The following RBFOX1 variants were observed in gnomAD, a reference collection of about 807,000 sequenced individuals.
RBFOX1 encodes the protein RNA binding fox-1 homolog 1, also known as RNA binding protein fox-1 homolog 1.
Under a neutral mutation model 57.7 loss-of-function variants are expected in RBFOX1, and 8 were observed. The ratio of observed to expected loss-of-function variants is 0.14; its 90% confidence interval spans 0.08 to 0.25. The LOEUF is 0.25. RBFOX1 is among the 10% of genes least tolerant of loss of function. The probability of loss-of-function intolerance (pLI) is 1.00; values close to 1 mark genes in which losing one functional copy is unlikely to be tolerated. For missense variants in RBFOX1, 611 were observed against 548.5 expected, an observed-to-expected ratio of 1.11 and a Z score of -1.14; for synonymous variants, 326 against 222.4, an observed-to-expected ratio of 1.47 and a Z score of -4.15.
At chr16:7,603,489 T>G (rs531311664) in intron 9 of RBFOX1, among the ~76,000 whole-genome samples, 1 of 152,056 alleles carries the variant, frequency 6.6e-6, no homozygotes, top group South Asian at 2.1e-4. Flanking sequence ...AAAATAAAAC[T>G]GGGAATGGAA....
intron 13 of RBFOX1, among the ~76,000 whole-genome samples, chr16:7,676,528 G>T (rs1357168126): frequency 6.6e-6 from 1 of 151,992 alleles, no homozygotes; most frequent in Non-Finnish European, 1.5e-5. Flanking sequence ...TTCTTCCAAG[G>T]GCCTCTAGGC....
In RBFOX1 at chr16:7,535,349, A is replaced by T. The variant is rs559059541; in HGVS notation, c.270+16960A>T. Among the ~76,000 whole-genome samples, 5 of 152,318 alleles carry T rather than the reference A, an allele frequency of 3.3e-5. No homozygotes were observed. The East Asian group carries it at 7.7e-4, about 24-fold the overall frequency. On this transcript the variant is annotated intron_variant, in intron 5 of 15. Coordinates refer to ENST00000550418, the MANE Select transcript of RBFOX1 (RefSeq NM_018723.4). ...ACTTAGGGTTTCATGGATGTGAGCAATTGGTCCACACCATTTTTATTCACA... is the reference window on the plus strand; with the variant it reads ...ACTTAGGGTTTCATGGATGTGAGCATTTGGTCCACACCATTTTTATTCACA...
intron 4 of RBFOX1, among the ~76,000 whole-genome samples, chr16:7,387,070 G>C (rs1211985575): frequency 6.6e-6 from 1 of 151,998 alleles, no homozygotes; most frequent in Non-Finnish European, 1.5e-5. Flanking sequence ...CTTTTTGATG[G>C]GGTTGTTTTT....
chr16:7,208,763 G>C (rs2152768383), intron 4 of RBFOX1, among the ~76,000 whole-genome samples: 1 of 152,218 alleles, frequency 6.6e-6, no homozygotes, highest in East Asian at 1.9e-4. Flanking sequence ...TTTGAGTCCA[G>C]GTATTTGAGG....
chr16:7,169,185 G>A (rs1466916614), intron 4 of RBFOX1, among the ~76,000 whole-genome samples: 2 of 152,158 alleles, frequency 1.3e-5, no homozygotes, highest in East Asian at 1.9e-4. Flanking sequence ...CATGGCCATA[G>A]TTTCCTCATA....
At chr16:7,475,219 A>G (rs1196416684) in intron 4 of RBFOX1, among the ~76,000 whole-genome samples, 2 of 152,096 alleles carry the variant, frequency 1.3e-5, no homozygotes, top group Non-Finnish European at 2.9e-5. Context: ...ATTGAAGAAC[A>G]AAAGGGAGGA....
Position 7,220,837 on chromosome 16 carries a change from C to G in RBFOX1, c.27+168739C>G, listed in dbSNP as rs13337203. 4.7e-3 allele frequency among the ~76,000 whole-genome samples: 708 copies of G among 152,210 alleles called. 7 individuals are homozygous for G. The highest frequency in any genetic ancestry group is 0.016 in the African/African-American group (666 of 41,532). ...TATTTCCATGGGATTCTCTTGATCT[C>G]TATCCACCCTTAACATCCCATCCTA... On this transcript the variant is annotated intron_variant, in intron 4 of 15. Coordinates refer to ENST00000550418, the MANE Select transcript of RBFOX1 (RefSeq NM_018723.4).
At chr16:5,856,066 C>T (rs1271120483) in intron 3 of RBFOX1, among the ~76,000 whole-genome samples, 5 of 129,106 alleles carry the variant, frequency 3.9e-5, no homozygotes, top group African/African-American at 1.4e-4. Context: ...AGAAATGTAA[C>T]TGATTTTTGT....
chr16:6,802,517 A>C, intron 3 of RBFOX1, among the ~76,000 whole-genome samples: 1 of 152,088 alleles, frequency 6.6e-6, no homozygotes, highest in East Asian at 1.9e-4. Context: ...TCTCTACTTA[A>C]AATACAAAAG....
chr16:7,557,613 C>T (rs2088994325), intron 5 of RBFOX1, among the ~76,000 whole-genome samples: 1 of 81,558 alleles, frequency 1.2e-5, no homozygotes, highest in African/African-American at 5.5e-5. Flanking sequence ...AAGTTAGACT[C>T]TGTCTCAAAA....
chr16:6,830,906 A>G (rs1287726215), intron 3 of RBFOX1, among the ~76,000 whole-genome samples: 1 of 152,200 alleles, frequency 6.6e-6, no homozygotes, highest in African/African-American at 2.4e-5. Context: ...CATTTCAGCA[A>G]CCAGGTAGAA....
At chr16:7,248,232 C>T (rs572019818) in intron 4 of RBFOX1, among the ~76,000 whole-genome samples, 6 of 152,166 alleles carry the variant, frequency 3.9e-5, no homozygotes, top group Non-Finnish European at 8.8e-5. Context: ...AAAGGGTCTA[C>T]AAACCATTAA....
intron 2 of RBFOX1, among the ~76,000 whole-genome samples, chr16:6,395,114 CG>C (rs2092770514): frequency 1.3e-5 from 2 of 152,126 alleles, no homozygotes; most frequent in Admixed American, 1.3e-4. Context: ...TCACTGTCAC[CG>C]AAGGGTTTGC....
intron 2 of RBFOX1, among the ~76,000 whole-genome samples, chr16:6,378,830 G>C (rs765415952): frequency 3.3e-5 from 5 of 152,114 alleles, no homozygotes; most frequent in Non-Finnish European, 7.3e-5. Flanking sequence ...TGAATCTTTA[G>C]GAGGATTACT....
intron 3 of RBFOX1, among the ~76,000 whole-genome samples, chr16:5,611,940 A>G (rs114547688): frequency 0.011 from 1,681 of 151,998 alleles, 25 homozygotes; most frequent in African/African-American, 0.032. Context: ...AGCCTGGGCA[A>G]CACAGTGAGA....
chr16:6,015,740 G>T (rs1387248958), upstream of RBFOX1, among the ~76,000 whole-genome samples: 1 of 152,150 alleles, frequency 6.6e-6, no homozygotes, highest in Non-Finnish European at 1.5e-5. Flanking sequence ...TCTCTATTTA[G>T]ACACGATCTT....
intron 4 of RBFOX1, among the ~76,000 whole-genome samples, chr16:7,446,583 C>G (rs555043614): frequency 4.9e-4 from 74 of 152,194 alleles, no homozygotes; most frequent in African/African-American, 1.8e-3. Flanking sequence ...TTTAGGATGA[C>G]TAGTGTCCTA....
At chr16:6,022,479 A>C (rs981868814) in intron 1 of RBFOX1, among the ~76,000 whole-genome samples, 22 of 152,014 alleles carry the variant, frequency 1.4e-4, no homozygotes, top group African/African-American at 4.8e-4. Context: ...CCAGGAGTTC[A>C]AGACCAGCCT....
intron 4 of RBFOX1, among the ~76,000 whole-genome samples, chr16:6,002,981 C>CAAGAAATGG (rs2060627358): frequency 6.6e-6 from 1 of 152,030 alleles, no homozygotes; most frequent in South Asian, 2.1e-4. Context: ...TTGGGGGACA[C>CAAGAAATGG]AAGAAATGGG....
Sources: allele counts gnomAD v4.1 joint callset (sites outside exome capture counted in the v4.1 genomes callset), GRCh38; gene constraint gnomAD v4.1.1; transcripts MANE v1.5; gene names NCBI Gene and HGNC (gene_info 2026-07-23, HGNC 2026-07-21).